ATP8B3: variants seen among roughly 807,000 people sequenced by gnomAD.
ATP8B3 encodes phospholipid-transporting ATPase IK.
In ATP8B3, 141 loss-of-function variants were observed where a neutral mutation model predicts 140.9. The ratio of observed to expected loss-of-function variants is 1.00; its 90% CI spans 0.87 to 1.15. The LOEUF (loss-of-function observed/expected upper bound fraction) is 1.15, where lower values mean the gene tolerates loss of function less well. Ranked by LOEUF, ATP8B3 falls within the 50% of genes most tolerant of loss-of-function variation. ATP8B3 has a pLI of 0.00. For synonymous variants in ATP8B3, 765 were observed against 714.6 expected, an observed-to-expected ratio of 1.07 and a Z score of -1.13; for missense variants, 1,874 against 1,740.6, an observed-to-expected ratio of 1.08 and a Z score of -1.36.
In ATP8B3 at chr19:1,803,667, C is replaced by T. The variant is rs545239983; in HGVS notation, c.905-1022G>A. On this transcript the variant is annotated intron_variant, in intron 10 of 28. Coordinates refer to ENST00000310127, the MANE Select transcript of ATP8B3 (RefSeq NM_138813.4). ...ATCCCAGCAATTTCAGAGGCCGAGG[C>T]GGGTGGATCACCTGAGGTCAGGAGT... Among the ~76,000 whole-genome samples the T allele has an allele frequency of 7.2e-5, 11 of 152,096 alleles. No individual in the cohort carries two copies. In the South Asian group the frequency reaches 1.7e-3, roughly 23 times the overall value.
At chr19:1,803,648 G>C (rs1273004309) in intron 10 of ATP8B3, among the ~76,000 whole-genome samples, 4 of 152,088 alleles carry the variant, frequency 2.6e-5, no homozygotes, top group Non-Finnish European at 5.9e-5. Context: ...TGCCATCCCA[G>C]CAATTTCAGA....
Position 1,794,002 on chromosome 19 carries a change from C to T in ATP8B3, c.2056-1867G>A, listed in dbSNP as rs1287667234. Among the ~76,000 whole-genome samples the T allele has an allele frequency of 6.6e-6, 1 of 151,758 alleles. No individual in the cohort carries two copies. Among genetic ancestry groups the T allele is most frequent in the African/African-American group, 2.4e-5 (1 of 41,300 alleles). ...AATGATCTGCCCGCCTCCCAAAGCA[C>T]TGGGATTACAGGCGTGAGCCATCGC... On this transcript the variant is annotated intron_variant, in intron 18 of 28. Coordinates refer to ENST00000310127, the MANE Select transcript of ATP8B3 (RefSeq NM_138813.4). This position sits in a 1 kb window ranked among gnomAD's most constrained non-coding sequence, Gnocchi z 4.8.
Position 1,789,045 on chromosome 19 carries a change from T to C in ATP8B3, c.2921A>G (p.Gln974Arg). Residue 974 changes from glutamine (Q) to arginine (R), a missense_variant, in exon 24 of 29, where the codon CAG becomes CGG. This residue lies in a region of ATP8B3 where 840 missense variants were observed against 760.9 expected (regional missense o/e 1.10). Coordinates refer to ENST00000310127, the MANE Select transcript of ATP8B3 (RefSeq NM_138813.4). ...AVQNSDFVLG[Q>R]FCFLQRLLLV... ...CAGGAGGCGCTGCAGGAAGCAGAAC[T>C]GGCCGAGCACGAAGTCGCTGTTCTG... 1 of 1,607,148 alleles carries C rather than the reference T, an allele frequency of 6.2e-7. No individual in the cohort carries two copies. The highest frequency in any genetic ancestry group is 2.2e-5 in the East Asian group (1 of 44,652).
rs1212800809 is a variant in ATP8B3 at position 1,787,179 on chromosome 19, T to C, written c.3077A>G (p.Tyr1026Cys). Residue 1026 changes from tyrosine to cysteine, a missense_variant, in exon 25 of 29, where the codon TAT becomes TGT. Tyr to Cys is a radical substitution (Grantham distance 194). Transcript: ENST00000310127. ...CYNGFTGQPL[Y>C]EGWFLALFNL... ...GAAAAGAGCCAGGAACCATCCTTCATACAGGGGCTGAGCCGGGGGAGAAGG... is the reference window on the plus strand; with the variant it reads ...GAAAAGAGCCAGGAACCATCCTTCACACAGGGGCTGAGCCGGGGGAGAAGG... 1 of 1,608,930 alleles carries C rather than the reference T, an allele frequency of 6.2e-7. No individual in the cohort carries two copies. The highest frequency in any genetic ancestry group is 8.5e-7 in the Non-Finnish European group (1 of 1,177,412).
intron 4 of ATP8B3, among the ~76,000 whole-genome samples, chr19:1,808,840 T>C (rs149530182): frequency 7.2e-4 from 110 of 152,170 alleles, no homozygotes; most frequent in African/African-American, 2.5e-3. Context: ...GCCAAACCAG[T>C]GATTTGGTTA....
chr19:1,791,031 T>G (rs558150973), intron 20 of ATP8B3, among the ~76,000 whole-genome samples, 199 bp from the exon 21 acceptor site: 44 of 152,330 alleles, frequency 2.9e-4, no homozygotes, highest in African/African-American at 1.1e-3. Context: ...TTGGCTGTAG[T>G]TCTGGCCGGG....
At position 1,782,734 on chromosome 19, in the gene ATP8B3, A is replaced by T; in HGVS notation, c.*294T>A. 2 of 413,220 alleles carry T rather than the reference A, an allele frequency of 4.8e-6. No homozygotes were observed. The highest frequency in any genetic ancestry group is 9.3e-5 in the East Asian group (2 of 21,498). 25.6% of individuals were successfully genotyped at this position (413,220 alleles called of 1,614,324 possible). On this transcript the variant is annotated 3_prime_UTR_variant, in exon 29 of 29. Coordinates refer to ENST00000310127, the MANE Select transcript of ATP8B3 (RefSeq NM_138813.4). The stretch of plus-strand genomic sequence containing the variant: ...TGTGCAACAGTGATTTCTCCTGAAA[A>T]GAATGTGACCTCTCCTTGGTCAACA...
At chr19:1,796,411 T>C (rs1042713923) in intron 16 of ATP8B3, 146 bp from the exon 17 acceptor site, 2 of 826,564 alleles carry the variant, frequency 2.4e-6, no homozygotes, top group African/African-American at 1.7e-5. Flanking sequence ...TGCATGGAGG[T>C]GAGCACTTGA....
At chr19:1,791,892 A>T in intron 19 of ATP8B3, 31 bp from the exon 20 acceptor site, 1 of 1,608,444 alleles carries the variant, frequency 6.2e-7, no homozygotes, top group Non-Finnish European at 8.5e-7. Context: ...GGCGGGGAAG[A>T]TGCTGAGCAG....
intron 3 of ATP8B3, among the ~76,000 whole-genome samples, chr19:1,810,289 G>A (rs2069150593): frequency 6.6e-6 from 1 of 152,074 alleles, no homozygotes; most frequent in African/African-American, 2.4e-5. Context: ...ATGGAGTCTC[G>A]CTCTGTCACC....
At position 1,802,579 on chromosome 19, in the gene ATP8B3, T is replaced by C. The variant is rs778857340; in HGVS notation, c.971A>G (p.Asp324Gly). ...HHFVGCLEWN[D>G]KKYSLDIGNL... is the part of the protein sequence containing the mutation. The stretch of plus-strand genomic sequence containing the variant: ...GCCAATGTCCAGGGAGTATTTCTTG[T>C]CATTCCATTCCAGGCACCCCACGAA... Residue 324 changes from aspartate (D) to glycine (G), a missense_variant, in exon 11 of 29, where the codon GAC becomes GGC. Asp to Gly is a moderately conservative substitution (Grantham distance 94). Transcript: ENST00000310127. 3 of 1,611,618 alleles carry C rather than the reference T, an allele frequency of 1.9e-6. No homozygotes were observed. The highest frequency in any genetic ancestry group is 2.5e-6 in the Non-Finnish European group (3 of 1,179,578).
Position 1,785,143 on chromosome 19 carries a change from C to A in ATP8B3, c.3532+16G>T. 6.5e-7 allele frequency: 1 copy of A among 1,545,260 alleles called. No homozygotes were observed. Among genetic ancestry groups the A allele is most frequent in the Non-Finnish European group, 8.7e-7 (1 of 1,146,536 alleles). Reference sequence around the variant, plus strand: ...TGCACCACGACCGCCCGTCCCACTTCCCCATGGGGGCTCACACAGAAACGG... The same window carrying A: ...TGCACCACGACCGCCCGTCCCACTTACCCATGGGGGCTCACACAGAAACGG... On this transcript the variant is annotated intron_variant, in intron 27 of 28. Transcript: ENST00000310127.
At position 1,806,243 on chromosome 19, in the gene ATP8B3, G is replaced by C. The variant is rs866900912; in HGVS notation, c.678-74C>G. 4 of 1,537,130 alleles carry C rather than the reference G, an allele frequency of 2.6e-6. No homozygotes were observed. Among genetic ancestry groups the C allele is most frequent in the Non-Finnish European group, 2.6e-6 (3 of 1,144,128 alleles). On this transcript the variant is annotated intron_variant, in intron 7 of 28. Coordinates refer to ENST00000310127, the MANE Select transcript of ATP8B3 (RefSeq NM_138813.4). The surrounding 1 kb of genome is among the most constrained non-coding windows in gnomAD (Gnocchi z 5.6). ...CCCCACACCGGGAGACCAGAGGCAC[G>C]GGATGACGGGGGGCCCGCAGCTGCA...
At chr19:1,790,152 C>CACT (rs2068449076) in intron 21 of ATP8B3, among the ~76,000 whole-genome samples, 163 bp from the exon 22 acceptor site, 1 of 119,676 alleles carries the variant, frequency 8.4e-6, no homozygotes, top group African/African-American at 3.3e-5. Flanking sequence ...CTCCTCCCGC[C>CACT]GCTGCCCCTC....
intron 3 of ATP8B3, 130 bp from the exon 4 acceptor site, chr19:1,809,864 T>A: frequency 3.8e-6 from 3 of 791,772 alleles, no homozygotes; most frequent in Non-Finnish European, 6.2e-6. Flanking sequence ...TCAGAGCCCG[T>A]AAACAGACAG....
At chr19:1,796,364 T>A in intron 16 of ATP8B3, 99 bp from the exon 17 acceptor site, 1 of 1,185,700 alleles carries the variant, frequency 8.4e-7, no homozygotes, top group Non-Finnish European at 1.2e-6. Flanking sequence ...TACACCTTTA[T>A]TGATGGTGGC....
At chr19:1,802,359 G>A (rs2068879196) in intron 11 of ATP8B3, 128 bp downstream of exon 11, 4 of 593,430 alleles carry the variant, frequency 6.7e-6, no homozygotes, top group Non-Finnish European at 7.2e-6. Flanking sequence ...CCATCTATTT[G>A]TCTATCCATC....
In ATP8B3 at chr19:1,806,105, T is replaced by C; in HGVS notation, c.742A>G (p.Ile248Val). Reference protein sequence around the residue: ...GDVVCLRKDNIVPADMLLLAS... With the variant: ...GDVVCLRKDNVVPADMLLLAS... The stretch of plus-strand genomic sequence containing the variant: ...GGTCAACCCCAGCTCACTGGGACGA[T>C]GTTGTCCTTGCGGAGACAGACCACA... The change falls in exon 8 of 29, where the codon ATC becomes GTC. Residue 248 changes from isoleucine to valine, a missense_variant. This residue lies in a region of ATP8B3 where 1,032 missense variants were observed against 963.6 expected (regional missense o/e 1.07). Coordinates refer to ENST00000310127, the MANE Select transcript of ATP8B3 (RefSeq NM_138813.4). This position sits in a 1 kb window ranked among gnomAD's most constrained non-coding sequence, Gnocchi z 5.6. 2 of 1,602,798 alleles carry C rather than the reference T, an allele frequency of 1.2e-6. No individual in the cohort carries two copies. Among genetic ancestry groups the C allele is most frequent in the Non-Finnish European group, 1.7e-6 (2 of 1,175,190 alleles).
At chr19:1,791,924 G>T (rs753376517) in intron 19 of ATP8B3, 63 bp from the exon 20 acceptor site, 1 of 1,597,194 alleles carries the variant, frequency 6.3e-7, no homozygotes, top group Non-Finnish European at 8.5e-7. Flanking sequence ...CCTGGCGGGG[G>T]CAGGAGAGTC....
Sources: allele counts gnomAD v4.1 joint callset (sites outside exome capture counted in the v4.1 genomes callset), GRCh38; gene constraint gnomAD v4.1.1; regional missense constraint gnomAD v4.1.1; non-coding constraint Gnocchi (gnomAD v3.1); transcripts MANE v1.5; gene names NCBI Gene and HGNC (gene_info 2026-07-23, HGNC 2026-07-21).